Variants in AMDHD1 observed in about 807,000 individuals in gnomAD.
AMDHD1 encodes probable imidazolonepropionase.
In AMDHD1, 45 loss-of-function variants were observed where a neutral mutation model predicts 44.1. That is an observed-to-expected ratio of 1.02 (90% CI 0.80 to 1.31). AMDHD1 has a LOEUF of 1.31. Ranked by LOEUF, AMDHD1 falls within the 50% of genes most tolerant of loss-of-function variation. The probability of loss-of-function intolerance (pLI) is 0.00; values close to 1 mark genes in which losing one functional copy is unlikely to be tolerated. For synonymous variants in AMDHD1, 206 were observed against 205.0 expected (o/e 1.00, Z -0.04); for missense variants, 586 against 552.1 (o/e 1.06, Z -0.61).
chr12:95,959,420 T>A (rs7963900), intron 4 of AMDHD1, among the ~76,000 whole-genome samples: 81,376 of 152,110 alleles, frequency 0.53, 22,384 homozygotes, highest in African/African-American at 0.66. Flanking sequence ...TTGTTAATTT[T>A]TTTTTAGAGA....
chr12:95,960,428 C>G lies in AMDHD1; in HGVS notation c.618C>G (p.Asp206Glu). 1.9e-6 allele frequency: 3 copies of G among 1,614,188 alleles called. No homozygotes were observed. Among genetic ancestry groups the G allele is most frequent in the Non-Finnish European group, 2.5e-6 (3 of 1,180,044 alleles). ...KGKTATEAAD[D>E]IINNHLPKLK... Reference sequence around the variant, plus strand: ...AAACTGCTACTGAAGCTGCTGATGACATCATCAATAACCACCTCCCAAAGC... The same window carrying G: ...AAACTGCTACTGAAGCTGCTGATGAGATCATCAATAACCACCTCCCAAAGC... Residue 206 changes from aspartate (D) to glutamate (E), a missense_variant, in exon 5 of 9, where the codon GAC becomes GAG. Physicochemically the swap from Asp to Glu is conservative, Grantham distance 45. Coordinates refer to ENST00000266736, the MANE Select transcript of AMDHD1 (RefSeq NM_152435.3).
rs147349485 is a variant in AMDHD1, at chr12:95,960,623, G to A, written c.813G>A (p.Glu271=). ...GDELHPMKAA[E]LGAELGAQAI... ...AACTCCACCCGATGAAGGCTGCTGA[G>A]GTGTGGTTGACTTTTAGTTTTTCCC... The change falls in exon 5 of 9, where the codon GAG becomes GAA. Residue 271 remains glutamate (E), a splice_region_variant and synonymous_variant. Transcript: ENST00000266736. 2.1e-4 allele frequency: 340 copies of A among 1,611,514 alleles called. No homozygotes were observed. The African/African-American group carries it at 4.1e-3, about 20-fold the overall frequency.
At chr12:95,951,956 G>A (rs1249953381) in intron 1 of AMDHD1, among the ~76,000 whole-genome samples, 2 of 152,074 alleles carry the variant, frequency 1.3e-5, no homozygotes, top group African/African-American at 2.4e-5. Flanking sequence ...TGAGCTGTTT[G>A]AGCTCCTTAT....
At chr12:95,947,590 C>G (rs865822777) in intron 1 of AMDHD1, among the ~76,000 whole-genome samples, 2 of 67,468 alleles carry the variant, frequency 3.0e-5, no homozygotes, top group African/African-American at 7.4e-5. Context: ...TCAGCCCCCC[C>G]GCCCGGACAG....
chr12:95,966,470 T>C lies in AMDHD1; in HGVS notation c.1155T>C (p.Val385=), dbSNP rs776320325. The C allele has an allele frequency of 5.6e-6, 9 of 1,614,162 alleles. No individual in the cohort carries two copies. Among genetic ancestry groups the C allele is most frequent in the Non-Finnish European group, 7.6e-6 (9 of 1,180,052 alleles). Reference sequence around the variant, plus strand: ...CTCACACACACGGATCGTTGGAAGTTGGCAAACAGGGAGATCTCATTATCA... The same window carrying C: ...CTCACACACACGGATCGTTGGAAGTCGGCAAACAGGGAGATCTCATTATCA... ...GKSHTHGSLE[V]GKQGDLIIIN... is the part of the protein sequence containing the mutation. Residue 385 remains valine (V), a synonymous_variant, in exon 8 of 9, where the codon GTT becomes GTC. Transcript: ENST00000266736.
chr12:95,956,816 G>C lies in AMDHD1; in HGVS notation c.441G>C (p.Arg147Ser). The change falls in exon 4 of 9, where the codon AGG (arginine) becomes AGC (serine). Residue 147 changes from arginine to serine, a missense_variant. By Grantham distance (110) the Arg-to-Ser change is moderately radical. Coordinates refer to ENST00000266736, the MANE Select transcript of AMDHD1 (RefSeq NM_152435.3). The stretch of plus-strand genomic sequence containing the variant: ...AGCAACGGCTCCAGTGCATGATGAG[G>C]GCTGGCACCACGCTGGTGGAGTGCA... ...SLQQRLQCMM[R>S]AGTTLVECKS... 6.2e-7 allele frequency: 1 copy of C among 1,614,232 alleles called. No homozygotes were observed. Among genetic ancestry groups the C allele is most frequent in the Non-Finnish European group, 8.5e-7 (1 of 1,180,048 alleles).
chr12:95,960,566 T>C lies in AMDHD1; in HGVS notation c.756T>C (p.Asp252=), dbSNP rs2080576030. Residue 252 remains aspartate, a synonymous_variant, in exon 5 of 9, where the codon GAT becomes GAC. Coordinates refer to ENST00000266736, the MANE Select transcript of AMDHD1 (RefSeq NM_152435.3). ...STRRILQRGK[D]IGLQINFHGD... ...GAAGGATTCTTCAACGTGGAAAAGA[T>C]ATAGGGTTACAGATTAACTTCCATG... The C allele has an allele frequency of 1.2e-6, 2 of 1,614,210 alleles. No individual in the cohort carries two copies.
chr12:95,957,724 T>C (rs1216958120), intron 4 of AMDHD1, among the ~76,000 whole-genome samples: 1 of 152,242 alleles, frequency 6.6e-6, no homozygotes, highest in African/African-American at 2.4e-5. Context: ...AAATTTCTTT[T>C]ACATTTATCT....
In AMDHD1 at chr12:95,966,555, A is replaced by T. The variant is rs747780982; in HGVS notation, c.1193+47A>T. On this transcript the variant is annotated intron_variant, in intron 8 of 8. Transcript: ENST00000266736. ...TCTTTTATATTATGCCCACTGAAGT[A>T]TGCAGATGAGGCCTAAATCCCTTTT... 12 of 1,607,808 alleles carry T rather than the reference A, an allele frequency of 7.5e-6. No homozygotes were observed. In the Admixed American group the frequency reaches 1.8e-4, roughly 25 times the overall value.
intron 6 of AMDHD1, among the ~76,000 whole-genome samples, chr12:95,963,998 C>G (rs1332348056): frequency 1.4e-5 from 2 of 144,136 alleles, no homozygotes; most frequent in Non-Finnish European, 3.0e-5. Flanking sequence ...CTCTGCACTT[C>G]AGCCTGGGCA....
intron 1 of AMDHD1, among the ~76,000 whole-genome samples, chr12:95,945,080 G>A (rs573851334): frequency 6.6e-6 from 1 of 152,316 alleles, no homozygotes; most frequent in Admixed American, 6.5e-5. Context: ...GTTGCAGTGA[G>A]CTGAGATCTC....
At chr12:95,948,233 CG>C (rs1002888917) in intron 1 of AMDHD1, among the ~76,000 whole-genome samples, 2 of 129,122 alleles carry the variant, frequency 1.5e-5, no homozygotes, top group African/African-American at 6.0e-5. Flanking sequence ...GCCCCCCGCC[CG>C]GCCAGCCGCC....
intron 1 of AMDHD1, among the ~76,000 whole-genome samples, chr12:95,952,310 G>C (rs969380872): frequency 6.6e-6 from 1 of 152,194 alleles, no homozygotes; most frequent in African/African-American, 2.4e-5. Context: ...TGAAGAGACT[G>C]TCTTTTCCCC....
chr12:95,965,966 T>G (rs1036214295), intron 7 of AMDHD1, among the ~76,000 whole-genome samples, 187 bp downstream of exon 7: 1 of 152,200 alleles, frequency 6.6e-6, no homozygotes, highest in Non-Finnish European at 1.5e-5. Context: ...CCTGCAGGCA[T>G]AGAGAGAGGA....
At chr12:95,952,125 T>A (rs1241554056) in intron 1 of AMDHD1, among the ~76,000 whole-genome samples, 2 of 152,216 alleles carry the variant, frequency 1.3e-5, no homozygotes, top group Non-Finnish European at 2.9e-5. Flanking sequence ...TGGTTGCCTG[T>A]TCTTGTGGGG....
intron 1 of AMDHD1, among the ~76,000 whole-genome samples, chr12:95,952,511 T>C (rs543407826): frequency 6.6e-6 from 1 of 152,350 alleles, no homozygotes; most frequent in African/African-American, 2.4e-5. Flanking sequence ...TTGTTCATTT[T>C]GCTGAGGAGG....
At chr12:95,952,973 G>A (rs1044719459) in intron 2 of AMDHD1, 150 bp downstream of exon 2, 8 of 563,062 alleles carry the variant, frequency 1.4e-5, no homozygotes, top group Admixed American at 1.2e-4. Flanking sequence ...ATTATTGAAT[G>A]TATAGCTGCT....
rs985333887 is a variant in AMDHD1 at position 95,952,701 on chromosome 12, C to A, written c.138-16C>A. 29 of 1,510,472 alleles carry A rather than the reference C, an allele frequency of 1.9e-5. No homozygotes were observed. Among genetic ancestry groups the A allele is most frequent in the Non-Finnish European group, 2.5e-5 (27 of 1,092,438 alleles). 93.6% of individuals were successfully genotyped at this position (1,510,472 alleles called of 1,614,324 possible). A position where few individuals can be genotyped will look rare whatever the true frequency, so the allele number is the denominator to read the frequency against. ...ATTTCCCCAAATTTAATAACTATTT[C>A]TTGATTTTTCTTCAGAGATGGATTT... On this transcript the variant is annotated splice_polypyrimidine_tract_variant and intron_variant, in intron 1 of 8. Transcript: ENST00000266736.
At chr12:95,960,084 G>C (rs2080573472) in intron 4 of AMDHD1, among the ~76,000 whole-genome samples, 1 of 152,112 alleles carries the variant, frequency 6.6e-6, no homozygotes. Flanking sequence ...ACTGTGCCTG[G>C]CCAAATTAAG....
Sources: allele counts gnomAD v4.1 joint callset (sites outside exome capture counted in the v4.1 genomes callset), GRCh38; gene constraint gnomAD v4.1.1; transcripts MANE v1.5; gene names NCBI Gene and HGNC (gene_info 2026-07-23, HGNC 2026-07-21).